The following ZCWPW2 variants were observed in gnomAD, a reference collection of about 807,000 sequenced individuals.
ZCWPW2 encodes the protein zinc finger CW-type PWWP domain protein 2.
Under a neutral mutation model 46.6 loss-of-function variants are expected in ZCWPW2, and 45 were observed. That is an observed-to-expected ratio of 0.96 (90% CI 0.76 to 1.24). The LOEUF (loss-of-function observed/expected upper bound fraction) is 1.24, where lower values mean the gene tolerates loss of function less well. Among genes scored for constraint, ZCWPW2 ranks in the 50% most tolerant of loss-of-function variants. The probability of loss-of-function intolerance (pLI) is 0.00; values close to 1 mark genes in which losing one functional copy is unlikely to be tolerated. For synonymous variants in ZCWPW2, 152 were observed against 137.1 expected, an observed-to-expected ratio of 1.11 and a Z score of -0.76; for missense variants, 429 against 403.9, an observed-to-expected ratio of 1.06 and a Z score of -0.53.
chr3:28,497,474 T>G (rs970182980), intron 6 of ZCWPW2, among the ~76,000 whole-genome samples: 1 of 152,092 alleles, frequency 6.6e-6, no homozygotes, highest in Non-Finnish European at 1.5e-5. Flanking sequence ...GGTGTGGTGC[T>G]TCTATAAGAA....
At chr3:28,474,844 G>A (rs1699180261) in intron 4 of ZCWPW2, among the ~76,000 whole-genome samples, 1 of 150,382 alleles carries the variant, frequency 6.6e-6, no homozygotes, top group African/African-American at 2.4e-5. Context: ...GTTGTTGTTT[G>A]TTTGAGACGG....
At chr3:28,351,506 A>AT (rs1407047260) in intron 1 of ZCWPW2, 1 of 151,640 alleles carries the variant, frequency 6.6e-6, no homozygotes, top group Non-Finnish European at 1.5e-5. Flanking sequence ...AATAAGGTGC[A>AT]TTTTTAGAGC....
chr3:28,365,275 T>C (rs1705084626), intron 1 of ZCWPW2, among the ~76,000 whole-genome samples: 1 of 142,494 alleles, frequency 7.0e-6, no homozygotes, highest in Non-Finnish European at 1.6e-5. Flanking sequence ...GTTTTCATGG[T>C]TTTATGTCTA....
intron 2 of ZCWPW2, among the ~76,000 whole-genome samples, chr3:28,400,363 A>G (rs1411976730): frequency 1.3e-5 from 2 of 152,216 alleles, no homozygotes; most frequent in Non-Finnish European, 2.9e-5. Context: ...TGGAAAACAT[A>G]TTTGGGAGAA....
intron 1 of ZCWPW2, among the ~76,000 whole-genome samples, chr3:28,383,468 TGCAGTTTTA>T (rs1384969673): frequency 6.6e-6 from 1 of 152,134 alleles, no homozygotes; most frequent in African/African-American, 2.4e-5. Flanking sequence ...ACCTGCACAA[TGCAGTTTTA>T]GCTATGGATT....
intron 3 of ZCWPW2, among the ~76,000 whole-genome samples, chr3:28,428,624 G>C (rs1186905705): frequency 6.6e-6 from 1 of 152,164 alleles, no homozygotes; most frequent in East Asian, 1.9e-4. Context: ...ATTTGGCTCT[G>C]TAACCCACCT....
chr3:28,480,018 A>G (rs1281062843), intron 5 of ZCWPW2, among the ~76,000 whole-genome samples: 1 of 152,170 alleles, frequency 6.6e-6, no homozygotes, highest in Non-Finnish European at 1.5e-5. Flanking sequence ...TATTGTGAAT[A>G]GTGTTGAACA....
intron 1 of ZCWPW2, among the ~76,000 whole-genome samples, chr3:28,381,108 A>T (rs1695090820): frequency 1.5e-5 from 2 of 132,418 alleles, no homozygotes; most frequent in Non-Finnish European, 3.1e-5. Flanking sequence ...TATTAATTTA[A>T]GTCTTTACTG....
chr3:28,494,606 G>A (rs1370112290), intron 6 of ZCWPW2, among the ~76,000 whole-genome samples: 6 of 149,382 alleles, frequency 4.0e-5, no homozygotes, highest in African/African-American at 1.5e-4. Context: ...GGAAATAAAG[G>A]GTATTCAATT....
intron 6 of ZCWPW2, among the ~76,000 whole-genome samples, chr3:28,495,214 C>A (rs906537007): frequency 3.9e-5 from 6 of 152,228 alleles, no homozygotes; most frequent in African/African-American, 1.4e-4. Context: ...CAGCAGGAAT[C>A]TTGGCTTTTC....
chr3:28,450,952 T>C (rs1254278065), intron 4 of ZCWPW2, among the ~76,000 whole-genome samples: 1 of 152,224 alleles, frequency 6.6e-6, no homozygotes, highest in Non-Finnish European at 1.5e-5. Context: ...GACTTGCACA[T>C]TTGACACCCT....
intron 4 of ZCWPW2, among the ~76,000 whole-genome samples, chr3:28,437,397 T>C (rs554849490): frequency 2.6e-5 from 4 of 152,336 alleles, no homozygotes; most frequent in African/African-American, 9.6e-5. Flanking sequence ...AGTGCATATG[T>C]GAAGGTGGTA....
chr3:28,397,371 T>G (rs1332699695), intron 2 of ZCWPW2, among the ~76,000 whole-genome samples: 1 of 152,116 alleles, frequency 6.6e-6, no homozygotes, highest in Admixed American at 6.5e-5. Flanking sequence ...CTATAACATT[T>G]AAAAATAACA....
intron 5 of ZCWPW2, among the ~76,000 whole-genome samples, chr3:28,482,035 C>G (rs989181802): frequency 2.6e-5 from 4 of 152,170 alleles, no homozygotes; most frequent in African/African-American, 9.7e-5. Flanking sequence ...AGGGTTTACT[C>G]TTGCTGTTAT....
intron 1 of ZCWPW2, among the ~76,000 whole-genome samples, chr3:28,387,560 AC>A (rs1334770470): frequency 2.6e-5 from 4 of 152,202 alleles, no homozygotes; most frequent in African/African-American, 9.7e-5. Context: ...CAGTTACTCT[AC>A]ATCCAGTTTT....
chr3:28,454,208 C>A (rs1362580585), intron 4 of ZCWPW2, among the ~76,000 whole-genome samples: 3 of 152,104 alleles, frequency 2.0e-5, no homozygotes, highest in African/African-American at 7.2e-5. Flanking sequence ...CTTCCTTCTA[C>A]CTTATTTTTA....
chr3:28,386,186 G>A (rs1695266348), intron 1 of ZCWPW2, among the ~76,000 whole-genome samples: 3 of 152,024 alleles, frequency 2.0e-5, no homozygotes, highest in Admixed American at 1.3e-4. Context: ...TCATAAAGGT[G>A]GTATCCTGAT....
At chr3:28,412,567 C>T (rs1696442588) in intron 2 of ZCWPW2, among the ~76,000 whole-genome samples, 1 of 151,904 alleles carries the variant, frequency 6.6e-6, no homozygotes. Context: ...GTACCAGTTC[C>T]AGGACCTGAG....
intron 1 of ZCWPW2, among the ~76,000 whole-genome samples, chr3:28,364,297 A>T (rs1315470691): frequency 2.0e-5 from 3 of 152,008 alleles, no homozygotes; most frequent in African/African-American, 7.2e-5. Flanking sequence ...GCACCAAAAG[A>T]CATAGACATA....
Sources: gnomAD v4.1 joint callset for allele counts (sites outside exome capture counted in the v4.1 genomes callset) on GRCh38, gnomAD v4.1.1 for gene constraint, MANE v1.5 for transcripts, NCBI Gene and HGNC (gene_info 2026-07-23, HGNC 2026-07-21) for gene names.